CHRM2: variants seen among roughly 807,000 people sequenced by gnomAD.
CHRM2 encodes the protein muscarinic acetylcholine receptor M2.
A neutral mutation model predicts 25.0 loss-of-function variants in CHRM2; 8 were observed. The ratio of observed to expected loss-of-function variants is 0.32; its 90% CI spans 0.19 to 0.58. CHRM2 has a LOEUF of 0.58. Ranked by LOEUF, CHRM2 falls within the 20% of genes least tolerant of loss-of-function variation. The pLI, the probability that CHRM2 is intolerant of heterozygous loss-of-function variation, is 0.88. For missense variants in CHRM2, 440 were observed against 567.1 expected (o/e 0.78, Z 2.28); for synonymous variants, 202 against 205.7 (o/e 0.98, Z 0.15).
chr7:136,931,890 A>G (rs1799126793), intron 2 of CHRM2, among the ~76,000 whole-genome samples: 1 of 152,246 alleles, frequency 6.6e-6, no homozygotes, highest in South Asian at 2.1e-4. Context: ...GATCAGAGAT[A>G]AACAAATGTA....
At chr7:136,939,974 C>T (rs1346083836) in intron 2 of CHRM2, among the ~76,000 whole-genome samples, 1 of 152,140 alleles carries the variant, frequency 6.6e-6, no homozygotes, top group Non-Finnish European at 1.5e-5. Flanking sequence ...GGTTCTTCAG[C>T]TTTGTAATAC....
chr7:136,961,265 C>A (rs1801064791), intron 2 of CHRM2, among the ~76,000 whole-genome samples: 2 of 152,042 alleles, frequency 1.3e-5, no homozygotes, highest in East Asian at 3.9e-4. Context: ...TCAAATATTT[C>A]TGTTTTAGGT....
chr7:137,008,543 G>A (rs570572438), intron 3 of CHRM2, among the ~76,000 whole-genome samples: 130 of 152,060 alleles, frequency 8.5e-4, no homozygotes, highest in Non-Finnish European at 1.6e-3. Context: ...ACTGTTACTT[G>A]CTAAGTGAAT....
chr7:137,013,805 T>C (rs1449306097), intron 3 of CHRM2, among the ~76,000 whole-genome samples: 1 of 152,026 alleles, frequency 6.6e-6, no homozygotes, highest in East Asian at 1.9e-4. Flanking sequence ...GACCTTGTTT[T>C]AATCATCATT....
intron 2 of CHRM2, among the ~76,000 whole-genome samples, chr7:136,911,667 A>T (rs1797849351): frequency 6.6e-6 from 1 of 151,886 alleles, no homozygotes. Context: ...TGTCCTTTAA[A>T]TGTCTCCGTT....
chr7:136,966,980 T>C (rs1801453918), intron 2 of CHRM2, among the ~76,000 whole-genome samples: 1 of 151,994 alleles, frequency 6.6e-6, no homozygotes, highest in African/African-American at 2.4e-5. Flanking sequence ...CCAAGCAAAC[T>C]GTTTACACTG....
intron 2 of CHRM2, among the ~76,000 whole-genome samples, chr7:136,904,601 C>T (rs1797430671): frequency 6.6e-6 from 1 of 151,168 alleles, no homozygotes; most frequent in Non-Finnish European, 1.5e-5. Context: ...CTTTTTAATT[C>T]TGTAGAGGTT....
rs78847341 is a variant in CHRM2, at chr7:137,015,033, C to G, written c.168C>G (p.Thr56=). 25 of 1,613,354 alleles carry G rather than the reference C, an allele frequency of 1.5e-5. No homozygotes were observed. In the South Asian group the frequency reaches 2.6e-4, roughly 17 times the overall value. Residue 56 remains threonine, a synonymous_variant, in exon 4 of 4, where the codon ACC becomes ACG. Coordinates refer to ENST00000680005, the MANE Select transcript of CHRM2 (RefSeq NM_001006630.2). The surrounding 1 kb of genome is among the most constrained non-coding windows in gnomAD (Gnocchi z 5.1). ...VSIKVNRHLQ[T]VNNYFLFSLA... is the part of the protein sequence containing the mutation. ...TTAAAGTCAACCGCCACCTCCAGACCGTCAACAATTACTTTTTATTCAGCT... is the reference window on the plus strand; with the variant it reads ...TTAAAGTCAACCGCCACCTCCAGACGGTCAACAATTACTTTTTATTCAGCT...
chr7:137,007,046 T>C (rs1743139037), intron 3 of CHRM2, among the ~76,000 whole-genome samples: 1 of 151,772 alleles, frequency 6.6e-6, no homozygotes, highest in South Asian at 2.1e-4. Flanking sequence ...AAAAAATCAA[T>C]CAAAGAAAAA....
intron 2 of CHRM2, among the ~76,000 whole-genome samples, chr7:136,911,318 T>C (rs538138278): frequency 6.6e-6 from 1 of 152,058 alleles, no homozygotes; most frequent in East Asian, 1.9e-4. Flanking sequence ...AAGATAACAT[T>C]TATATAGTGT....
intron 2 of CHRM2, among the ~76,000 whole-genome samples, chr7:136,887,335 A>AC (rs932299746): frequency 6.8e-5 from 4 of 58,632 alleles, no homozygotes; most frequent in Non-Finnish European, 1.1e-4. Flanking sequence ...TTCGCTTTTC[A>AC]CAAAAAAAAA....
chr7:136,955,144 C>A (rs1318719866), intron 2 of CHRM2, among the ~76,000 whole-genome samples: 1 of 152,180 alleles, frequency 6.6e-6, no homozygotes, highest in Non-Finnish European at 1.5e-5. Flanking sequence ...TCACATTGGG[C>A]AACTCCTTTT....
At chr7:136,875,869 A>G (rs1053985623) in intron 2 of CHRM2, among the ~76,000 whole-genome samples, 1 of 152,116 alleles carries the variant, frequency 6.6e-6, no homozygotes, top group Non-Finnish European at 1.5e-5. Flanking sequence ...ACTAGCCAAT[A>G]TATTTATTTC....
In CHRM2 at chr7:137,017,175, G is replaced by C. The variant is rs1805235715; in HGVS notation, c.*909G>C. On this transcript the variant is annotated 3_prime_UTR_variant, in exon 4 of 4. Coordinates refer to ENST00000680005, the MANE Select transcript of CHRM2 (RefSeq NM_001006630.2). Reference sequence around the variant, plus strand: ...AATATCCTACCTAAAACATAAACCTGTTTAAGAAACCATCGTCACTGTAAA... The same window carrying C: ...AATATCCTACCTAAAACATAAACCTCTTTAAGAAACCATCGTCACTGTAAA... 6.6e-6 allele frequency: 1 copy of C among 151,848 alleles called. No homozygotes were observed. Among genetic ancestry groups the C allele is most frequent in the Non-Finnish European group, 1.5e-5 (1 of 67,908 alleles). 9.4% of individuals were successfully genotyped at this position (151,848 alleles called of 1,614,324 possible). A position where few individuals can be genotyped will look rare whatever the true frequency, so the allele number is the denominator to read the frequency against.
chr7:136,994,516 C>CTTTTTTTTTT (rs1803447342), intron 3 of CHRM2, among the ~76,000 whole-genome samples: 1 of 84,234 alleles, frequency 1.2e-5, no homozygotes, highest in African/African-American at 4.9e-5. Flanking sequence ...CTCTTTTTTT[C>CTTTTTTTTTT]TTTTCTTTTT....
At chr7:136,910,701 TTAAAATCG>T (rs1466451948) in intron 2 of CHRM2, among the ~76,000 whole-genome samples, 2 of 151,958 alleles carry the variant, frequency 1.3e-5, no homozygotes, top group East Asian at 3.9e-4. Flanking sequence ...ATCTGGCTTT[TTAAAATCG>T]TTGTTGCTAC....
At chr7:136,958,383 T>A (rs1029934167) in intron 2 of CHRM2, among the ~76,000 whole-genome samples, 3 of 152,156 alleles carry the variant, frequency 2.0e-5, no homozygotes, top group Non-Finnish European at 2.9e-5. Context: ...ACTTCTATTT[T>A]CTATTGTACT....
intron 2 of CHRM2, among the ~76,000 whole-genome samples, chr7:136,890,688 A>G (rs1796657688): frequency 6.6e-6 from 1 of 152,150 alleles, no homozygotes; most frequent in South Asian, 2.1e-4. Flanking sequence ...GGTTTGCCCA[A>G]GTGAGGGAGG....
chr7:136,971,602 GT>G (rs1801772672), intron 2 of CHRM2, among the ~76,000 whole-genome samples: 1 of 123,520 alleles, frequency 8.1e-6, no homozygotes, highest in South Asian at 3.1e-4. Context: ...GGGTGACAGA[GT>G]AAGACTCTGT....
Sources: allele counts gnomAD v4.1 joint callset (sites outside exome capture counted in the v4.1 genomes callset), GRCh38; gene constraint gnomAD v4.1.1; non-coding constraint Gnocchi (gnomAD v3.1); transcripts MANE v1.5; gene names NCBI Gene and HGNC (gene_info 2026-07-23, HGNC 2026-07-21).